Variants in SAMTOR observed in about 807,000 individuals in gnomAD.
SAMTOR encodes UPF0532 protein C7orf60.
the SAMTOR span, among the ~76,000 whole-genome samples, chr7:112,888,589 G>A: frequency 6.6e-6 from 1 of 152,054 alleles, no homozygotes; most frequent in Non-Finnish European, 1.5e-5. Flanking sequence ...ACTTAAAGGT[G>A]ACTCCAGTAG....
At chr7:112,903,155 A>G in the SAMTOR span, among the ~76,000 whole-genome samples, 1 of 152,136 alleles carries the variant, frequency 6.6e-6, no homozygotes, top group Admixed American at 6.5e-5. Flanking sequence ...CTCTTCTAAA[A>G]TATAAAAATT....
At chr7:112,910,469 T>C in the SAMTOR span, among the ~76,000 whole-genome samples, 1 of 152,260 alleles carries the variant, frequency 6.6e-6, no homozygotes, top group Non-Finnish European at 1.5e-5. Flanking sequence ...TATTATTTAA[T>C]AAATGGAAGT....
chr7:112,881,192 C>A, the SAMTOR span, among the ~76,000 whole-genome samples: 8 of 152,334 alleles, frequency 5.3e-5, no homozygotes, highest in African/African-American at 1.2e-4. Flanking sequence ...GACACTCCAG[C>A]CCCCTGCCAC....
the SAMTOR span, among the ~76,000 whole-genome samples, chr7:112,922,842 C>A: frequency 6.7e-6 from 1 of 150,040 alleles, no homozygotes; most frequent in African/African-American, 2.5e-5. Context: ...GGGGGTCAGA[C>A]CCCCGCCCGG....
chr7:112,876,104 G>A, the SAMTOR span, among the ~76,000 whole-genome samples: 1 of 152,032 alleles, frequency 6.6e-6, no homozygotes, highest in Admixed American at 6.5e-5. Context: ...GGGACTACAG[G>A]CACATGCCAC....
At chr7:112,919,385 G>A in the SAMTOR span, among the ~76,000 whole-genome samples, 2 of 152,120 alleles carry the variant, frequency 1.3e-5, no homozygotes, top group African/African-American at 4.8e-5. Context: ...AAATAAAGAT[G>A]TTCTTTGAAA....
the SAMTOR span, among the ~76,000 whole-genome samples, chr7:112,902,438 A>C: frequency 1.1e-4 from 10 of 93,020 alleles, 2 homozygotes; most frequent in African/African-American, 3.5e-4. Context: ...ACAAAAAAAA[A>C]CAAAAAAAAA....
At chr7:112,824,427 C>A in the SAMTOR span, among the ~76,000 whole-genome samples, 1 of 152,040 alleles carries the variant, frequency 6.6e-6, no homozygotes, top group South Asian at 2.1e-4. Flanking sequence ...GTAGCGTGAT[C>A]TTGGCTCACC....
chr7:112,903,389 C>T, the SAMTOR span, among the ~76,000 whole-genome samples: 1 of 148,972 alleles, frequency 6.7e-6, no homozygotes, highest in Non-Finnish European at 1.5e-5. Flanking sequence ...GATTAAAGAC[C>T]AAAAAGGCTT....
At chr7:112,899,281 T>C in the SAMTOR span, among the ~76,000 whole-genome samples, 1 of 152,076 alleles carries the variant, frequency 6.6e-6, no homozygotes, top group Non-Finnish European at 1.5e-5. Flanking sequence ...GGAGCTGAAA[T>C]ATTCAATTAA....
chr7:112,899,816 T>G, the SAMTOR span, among the ~76,000 whole-genome samples: 1 of 122,174 alleles, frequency 8.2e-6, no homozygotes, highest in Non-Finnish European at 1.7e-5. Context: ...GAAACAACTT[T>G]CAACTGAGAA....
chr7:112,859,261 G>C, the SAMTOR span, among the ~76,000 whole-genome samples: 1 of 152,072 alleles, frequency 6.6e-6, no homozygotes, highest in African/African-American at 2.4e-5. Flanking sequence ...ACATAACAAC[G>C]TTTTCAGTCA....
At chr7:112,872,323 C>T in the SAMTOR span, among the ~76,000 whole-genome samples, 4 of 152,074 alleles carry the variant, frequency 2.6e-5, no homozygotes, top group Non-Finnish European at 5.9e-5. Context: ...TGATTCAACA[C>T]ATACAAATCA....
At chr7:112,912,690 A>T in the SAMTOR span, among the ~76,000 whole-genome samples, 1 of 152,078 alleles carries the variant, frequency 6.6e-6, no homozygotes, top group South Asian at 2.1e-4. Context: ...TAAAAAAAAA[A>T]ATAAAGAAAT....
At chr7:112,821,478 GA>G in the SAMTOR span, 2 of 278,020 alleles carry the variant, frequency 7.2e-6, no homozygotes, top group Non-Finnish European at 1.3e-5. Context: ...GCACTAAAGA[GA>G]AAAAGGTACC....
At chr7:112,874,290 C>T in the SAMTOR span, among the ~76,000 whole-genome samples, 2 of 152,102 alleles carry the variant, frequency 1.3e-5, no homozygotes, top group African/African-American at 4.8e-5. Flanking sequence ...ACAAAATCAA[C>T]CTAGGTGTCC....
At chr7:112,892,883 G>A in the SAMTOR span, among the ~76,000 whole-genome samples, 18 of 152,198 alleles carry the variant, frequency 1.2e-4, no homozygotes, top group East Asian at 3.9e-4. Context: ...TCATCTCCTC[G>A]TACATATATA....
the SAMTOR span, among the ~76,000 whole-genome samples, chr7:112,928,008 A>G: frequency 6.6e-6 from 1 of 152,032 alleles, no homozygotes; most frequent in Non-Finnish European, 1.5e-5. Context: ...TGTCACAACT[A>G]AAAAATAAAT....
chr7:112,938,353 A>C, the SAMTOR span, among the ~76,000 whole-genome samples: 2 of 152,248 alleles, frequency 1.3e-5, no homozygotes, highest in African/African-American at 4.8e-5. Flanking sequence ...CCTCTATTAA[A>C]AGCTAAGCTT....
Sources: allele counts gnomAD v4.1 joint callset (sites outside exome capture counted in the v4.1 genomes callset), GRCh38; gene constraint gnomAD v4.1.1; transcripts MANE v1.5; gene names NCBI Gene and HGNC (gene_info 2026-07-23, HGNC 2026-07-21).